NUBPL: variants seen among roughly 807,000 people sequenced by gnomAD.
The protein encoded by NUBPL is iron-sulfur cluster transfer protein NUBPL.
NUBPL carries 31 observed loss-of-function variants against 45.7 expected under a neutral mutation model. The observed-to-expected ratio is 0.68, with a 90% confidence interval of 0.51 to 0.92. The LOEUF (loss-of-function observed/expected upper bound fraction) is 0.92, where lower values mean the gene tolerates loss of function less well. NUBPL is among the 40% of genes least tolerant of loss of function. The pLI, the probability that NUBPL is intolerant of heterozygous loss-of-function variation, is 0.00. For missense variants in NUBPL, 401 were observed against 398.7 expected (o/e 1.01, Z -0.05); for synonymous variants, 144 against 140.9 (o/e 1.02, Z -0.15).
chr14:31,708,364 T>C (rs2037497881), intron 6 of NUBPL, among the ~76,000 whole-genome samples: 1 of 152,178 alleles, frequency 6.6e-6, no homozygotes, highest in Non-Finnish European at 1.5e-5. Context: ...TTTTTTGCTT[T>C]TCCAAATTGT....
At chr14:31,566,075 G>C (rs1460970327) in intron 3 of NUBPL, among the ~76,000 whole-genome samples, 1 of 152,086 alleles carries the variant, frequency 6.6e-6, no homozygotes, top group East Asian at 1.9e-4. Context: ...ATACAGGCAA[G>C]AATCATTTAA....
Position 31,825,690 on chromosome 14 carries a change from T to C in NUBPL, c.608-939T>C, listed in dbSNP as rs550756810. 2.0e-5 allele frequency among the ~76,000 whole-genome samples: 3 copies of C among 149,376 alleles called. No homozygotes were observed. The Admixed American group carries it at 2.0e-4, about 10-fold the overall frequency. On this transcript the variant is annotated intron_variant, in intron 7 of 10. Transcript: ENST00000281081. The stretch of plus-strand genomic sequence containing the variant: ...CTTTTCTTTTTTTCTCTTTCTTTTG[T>C]TCTTTCTTCTTCATCTTCCTCTTTT...
chr14:31,842,013 C>T (rs2040383534), intron 8 of NUBPL, among the ~76,000 whole-genome samples: 1 of 139,884 alleles, frequency 7.1e-6, no homozygotes, highest in African/African-American at 2.7e-5. Flanking sequence ...TCACTGCAAG[C>T]TCTGCCTCCC....
rs116457695 is a variant in NUBPL, at chr14:31,832,352, C to A, written c.693+5638C>A. On this transcript the variant is annotated intron_variant, in intron 8 of 10. Coordinates refer to ENST00000281081, the MANE Select transcript of NUBPL (RefSeq NM_025152.3). ...AGGAAGAGTTGAAAATCTTGGGAAT[C>A]GATTGTATAGGGTAGGAGAGTTAGA... Among the ~76,000 whole-genome samples, 338 of 152,082 alleles carry A rather than the reference C, an allele frequency of 2.2e-3. 3 individuals carry two copies. The highest frequency in any genetic ancestry group is 7.7e-3 in the African/African-American group (320 of 41,480).
chr14:31,728,067 G>A (rs1315540596), intron 6 of NUBPL, among the ~76,000 whole-genome samples: 1 of 151,904 alleles, frequency 6.6e-6, no homozygotes, highest in African/African-American at 2.4e-5. Context: ...AATTGCTTTG[G>A]CATAAAACCT....
chr14:31,710,758 G>A (rs2037553347), intron 6 of NUBPL, among the ~76,000 whole-genome samples: 1 of 152,160 alleles, frequency 6.6e-6, no homozygotes. Flanking sequence ...TATATGAATA[G>A]GAAGGATACA....
At chr14:31,679,025 A>C in intron 6 of NUBPL, among the ~76,000 whole-genome samples, 1 of 152,128 alleles carries the variant, frequency 6.6e-6, no homozygotes, top group Admixed American at 6.5e-5. Context: ...CTCTGTGTGC[A>C]GGCATCAGGT....
chr14:31,701,258 A>G (rs940868329), intron 6 of NUBPL, among the ~76,000 whole-genome samples: 2 of 148,270 alleles, frequency 1.3e-5, no homozygotes, highest in Non-Finnish European at 3.0e-5. Context: ...TAGCTCATCT[A>G]GTGGGGACTT....
At chr14:31,579,146 T>C (rs2033797240) in intron 3 of NUBPL, among the ~76,000 whole-genome samples, 1 of 152,180 alleles carries the variant, frequency 6.6e-6, no homozygotes, top group Non-Finnish European at 1.5e-5. Flanking sequence ...AAATTTGTGC[T>C]GGAATGTTAT....
chr14:31,681,121 TA>T (rs1363041169), intron 6 of NUBPL, among the ~76,000 whole-genome samples: 1 of 152,134 alleles, frequency 6.6e-6, no homozygotes, highest in African/African-American at 2.4e-5. Context: ...ATATCTTGTG[TA>T]AAAAATTTAT....
intron 3 of NUBPL, among the ~76,000 whole-genome samples, chr14:31,591,059 C>T (rs1312229609): frequency 6.6e-6 from 1 of 152,122 alleles, no homozygotes; most frequent in East Asian, 1.9e-4. Flanking sequence ...CCCAGATTTG[C>T]AGCTTTTTTA....
At chr14:31,800,565 G>T (rs1036537427) in intron 7 of NUBPL, among the ~76,000 whole-genome samples, 10 of 152,200 alleles carry the variant, frequency 6.6e-5, no homozygotes, top group African/African-American at 2.4e-4. Context: ...CTTGACACAG[G>T]TTTGCTACAA....
rs113684499 is a variant in NUBPL, at chr14:31,722,303, C to T, written c.513+48729C>T. Among the ~76,000 whole-genome samples the T allele has an allele frequency of 6.6e-4, 101 of 152,286 alleles. 1 individual carries two copies. Among genetic ancestry groups the T allele is most frequent in the African/African-American group, 2.1e-3 (88 of 41,554 alleles). ...GGGATTACAGGCATAAGCCACCACGCCCGGCCATGTACCACATTTTATTTA... is the reference window on the plus strand; with the variant it reads ...GGGATTACAGGCATAAGCCACCACGTCCGGCCATGTACCACATTTTATTTA... On this transcript the variant is annotated intron_variant, in intron 6 of 10. Transcript: ENST00000281081.
At chr14:31,598,628 C>T (rs2034345219) in intron 3 of NUBPL, among the ~76,000 whole-genome samples, 1 of 152,206 alleles carries the variant, frequency 6.6e-6, no homozygotes, top group Non-Finnish European at 1.5e-5. Context: ...GTATCCTGTC[C>T]TTCAGCAGCT....
At chr14:31,618,077 A>G (rs978238989) in intron 4 of NUBPL, among the ~76,000 whole-genome samples, 1 of 152,114 alleles carries the variant, frequency 6.6e-6, no homozygotes, top group South Asian at 2.1e-4. Context: ...TGTTTATAGT[A>G]TTCTCTCATG....
chr14:31,857,580 C>A (rs1355962238), intron 10 of NUBPL, among the ~76,000 whole-genome samples: 1 of 152,184 alleles, frequency 6.6e-6, no homozygotes, highest in Non-Finnish European at 1.5e-5. Flanking sequence ...ATACCTTTAA[C>A]CTCTTGAATG....
chr14:31,805,482 A>G (rs143912255), intron 7 of NUBPL, among the ~76,000 whole-genome samples: 3 of 152,324 alleles, frequency 2.0e-5, no homozygotes, highest in Non-Finnish European at 2.9e-5. Flanking sequence ...TTGTTGCACT[A>G]CTACTCACAA....
At chr14:31,676,722 A>G (rs2036708500) in intron 6 of NUBPL, among the ~76,000 whole-genome samples, 1 of 150,502 alleles carries the variant, frequency 6.6e-6, no homozygotes, top group African/African-American at 2.4e-5. Context: ...TTCTTTTGTG[A>G]CGTGTCTGTT....
intron 4 of NUBPL, among the ~76,000 whole-genome samples, chr14:31,623,062 G>A (rs560163019): frequency 6.6e-6 from 1 of 152,316 alleles, no homozygotes; most frequent in African/African-American, 2.4e-5. Flanking sequence ...CCAACTCCTC[G>A]GGAGCCCACC....
Sources: gnomAD v4.1 joint callset for allele counts (sites outside exome capture counted in the v4.1 genomes callset) on GRCh38, gnomAD v4.1.1 for gene constraint, MANE v1.5 for transcripts, NCBI Gene and HGNC (gene_info 2026-07-23, HGNC 2026-07-21) for gene names.